The following BRF1 variants were observed in gnomAD, a reference collection of about 807,000 sequenced individuals.
The protein encoded by BRF1 is BRF1 general transcription factor IIIB subunit.
BRF1 carries 59 observed loss-of-function variants against 81.7 expected under a neutral mutation model. The ratio of observed to expected loss-of-function variants is 0.72; its 90% CI spans 0.59 to 0.90. The LOEUF (loss-of-function observed/expected upper bound fraction) is 0.90, where lower values mean the gene tolerates loss of function less well. Ranked by LOEUF, BRF1 falls within the 40% of genes least tolerant of loss-of-function variation. BRF1 has a pLI of 0.00. For missense variants in BRF1, 1,050 were observed against 936.3 expected, an observed-to-expected ratio of 1.12 and a Z score of -1.58; for synonymous variants, 491 against 395.6, an observed-to-expected ratio of 1.24 and a Z score of -2.86.
chr14:105,302,226 G>A (rs1211319880), upstream of BRF1, among the ~76,000 whole-genome samples: 3 of 144,000 alleles, frequency 2.1e-5, no homozygotes, highest in Non-Finnish European at 4.5e-5. Flanking sequence ...TTTTTGAGAC[G>A]GAGTCTCTGC....
chr14:105,229,002 T>C, intron 6 of BRF1, 89 bp from the exon 7 acceptor site: 1 of 1,202,420 alleles, frequency 8.3e-7, no homozygotes, highest in Non-Finnish European at 1.2e-6. Context: ...CGGATCCCGG[T>C]CACGGAGATG....
At chr14:105,259,398 T>C (rs937003494) in intron 3 of BRF1, among the ~76,000 whole-genome samples, 1 of 152,310 alleles carries the variant, frequency 6.6e-6, no homozygotes, top group Admixed American at 6.5e-5. Context: ...TGAGCTGTGA[T>C]TGCACCACTG....
chr14:105,249,514 C>T (rs1350682660), intron 5 of BRF1: 1 of 1,608,818 alleles, frequency 6.2e-7, no homozygotes, highest in Admixed American at 1.7e-5. Context: ...CGGGTGGGTC[C>T]GTTTTAGGCG....
chr14:105,212,591 A>G, intron 15 of BRF1: 1 of 172,872 alleles, frequency 5.8e-6, no homozygotes, highest in Non-Finnish European at 1.2e-5. Flanking sequence ...CACCCTGCAC[A>G]GGGCCTGCTC....
chr14:105,280,636 C>G (rs2057035150), intron 2 of BRF1, among the ~76,000 whole-genome samples: 1 of 151,998 alleles, frequency 6.6e-6, no homozygotes, highest in African/African-American at 2.4e-5. Flanking sequence ...GCTGTGTGAT[C>G]CTGAGCCTGC....
upstream of BRF1, among the ~76,000 whole-genome samples, chr14:105,303,395 C>G (rs1336068902): frequency 6.6e-6 from 1 of 152,122 alleles, no homozygotes; most frequent in Non-Finnish European, 1.5e-5. Context: ...AGGTGCCCAC[C>G]ACCATGCCTG....
intron 2 of BRF1, among the ~76,000 whole-genome samples, chr14:105,275,853 T>C (rs587604078): frequency 6.6e-6 from 1 of 152,366 alleles, no homozygotes; most frequent in African/African-American, 2.4e-5. Flanking sequence ...TCAGTGCCCT[T>C]AAAAACCGGA....
intron 5 of BRF1, among the ~76,000 whole-genome samples, chr14:105,244,697 T>C (rs946856275): frequency 2.6e-5 from 4 of 151,838 alleles, no homozygotes; most frequent in African/African-American, 7.3e-5. Flanking sequence ...ACCACAATAA[T>C]AGGGGATTTT....
In BRF1 at chr14:105,226,112, G is replaced by C. The variant is rs1247096867; in HGVS notation, c.1005C>G (p.Ser335Arg). Residue 335 changes from serine to arginine, a missense_variant, in exon 10 of 18, where the codon AGC becomes AGG. Ser to Arg is a moderately radical substitution (Grantham distance 110). This residue lies in a region of BRF1 where 1,043 missense variants were observed against 915.4 expected (regional missense o/e 1.14). Coordinates refer to ENST00000547530, the MANE Select transcript of BRF1 (RefSeq NM_001519.4). Reference sequence around the variant, plus strand: ...CCAGGCCCCCCTTGGCCTTTGGCCGGCTGTTTTCTAGTTCAATCTCAATTG... The same window carrying C: ...CCAGGCCCCCCTTGGCCTTTGGCCGCCTGTTTTCTAGTTCAATCTCAATTG... ...QDAIEIELEN[S>R]RPKAKGGLAS... 6.2e-7 allele frequency: 1 copy of C among 1,613,932 alleles called. No individual in the cohort carries two copies. The highest frequency in any genetic ancestry group is 8.5e-7 in the Non-Finnish European group (1 of 1,180,022).
In BRF1 at chr14:105,272,750, T is replaced by C; in HGVS notation, c.410A>G (p.Tyr137Cys). Reference sequence around the variant, plus strand: ...CGTGCCCTCCGTACGGCAGACCAGGTAGAGGCAGGCAGCAATCACGTGGGC... The same window carrying C: ...CGTGCCCTCCGTACGGCAGACCAGGCAGAGGCAGGCAGCAATCACGTGGGC... Reference protein sequence around the residue: ...KMAHVIAACLYLVCRTEGTPH... With the variant: ...KMAHVIAACLCLVCRTEGTPH... The change falls in exon 3 of 18, where the codon TAC becomes TGC. Residue 137 changes from tyrosine to cysteine, a missense_variant. Tyr to Cys is a radical substitution (Grantham distance 194). Around this residue, in one of 2 missense-constraint regions of BRF1, gnomAD observed 1,043 missense variants for 915.4 expected, o/e 1.14. Transcript: ENST00000547530. The C allele has an allele frequency of 1.2e-6, 2 of 1,613,384 alleles. No individual in the cohort carries two copies. Among genetic ancestry groups the C allele is most frequent in the Non-Finnish European group, 1.7e-6 (2 of 1,179,644 alleles).
At chr14:105,256,699 G>A in intron 3 of BRF1, 150 bp from the exon 4 acceptor site, 2 of 1,338,882 alleles carry the variant, frequency 1.5e-6, no homozygotes, top group Non-Finnish European at 2.0e-6. Flanking sequence ...AAGGAAAGGT[G>A]GTATGGAAGC....
chr14:105,214,260 C>T (rs1043726260), intron 15 of BRF1, among the ~76,000 whole-genome samples: 14 of 152,252 alleles, frequency 9.2e-5, no homozygotes, highest in African/African-American at 3.4e-4. Context: ...CCCACACTGG[C>T]CCCTCTGCCT....
At chr14:105,212,078 A>C in intron 16 of BRF1, 35 bp downstream of exon 16, 1 of 1,608,874 alleles carries the variant, frequency 6.2e-7, no homozygotes, top group Non-Finnish European at 8.5e-7. Context: ...CTGCCTCCCA[A>C]GGTCTCCCTG....
upstream of BRF1, among the ~76,000 whole-genome samples, chr14:105,302,657 C>G (rs1007453595): frequency 6.6e-6 from 1 of 152,122 alleles, no homozygotes; most frequent in African/African-American, 2.4e-5. Context: ...ATAATCAAGC[C>G]TCACTGCAGA....
chr14:105,241,159 C>G lies in BRF1; in HGVS notation c.694+106G>C, dbSNP rs1373513803. The G allele has an allele frequency of 8.5e-6, 13 of 1,521,616 alleles. No homozygotes were observed. The East Asian group carries it at 1.4e-4, about 16-fold the overall frequency. The allele number at this position is 1,521,616 out of a possible 1,614,324, so 94.3% of individuals were successfully genotyped here. A position where few individuals can be genotyped will look rare whatever the true frequency, so the allele number is the denominator to read the frequency against. On this transcript the variant is annotated intron_variant, in intron 6 of 17. Transcript: ENST00000547530. ...GCCCCGGGAGGCTGGAGGCAGCTCT[C>G]AGTGCTCTGCAAACATACGGCCCAG...
intron 3 of BRF1, among the ~76,000 whole-genome samples, chr14:105,261,898 G>A (rs2056174147): frequency 1.3e-5 from 2 of 152,200 alleles, no homozygotes; most frequent in African/African-American, 2.4e-5. Flanking sequence ...ACCGGCCCAC[G>A]GCTCACTGCC....
intron 7 of BRF1, chr14:105,227,758 T>A (rs587766106): frequency 5.9e-5 from 9 of 152,404 alleles, no homozygotes; most frequent in African/African-American, 2.2e-4. Context: ...CTCTACACGC[T>A]ACACAACCTT....
intron 6 of BRF1, among the ~76,000 whole-genome samples, 165 bp from the exon 7 acceptor site, chr14:105,229,078 G>A (rs925924214): frequency 1.3e-5 from 2 of 152,192 alleles, no homozygotes; most frequent in Admixed American, 6.5e-5. Context: ...ACTCCTGAAC[G>A]ACATGACCCT....
chr14:105,289,273 G>T (rs2057429162), intron 1 of BRF1, among the ~76,000 whole-genome samples: 1 of 152,114 alleles, frequency 6.6e-6, no homozygotes, highest in Non-Finnish European at 1.5e-5. Context: ...AGTCCAGAAG[G>T]TGGAGGCTGC....
Sources: allele counts gnomAD v4.1 joint callset (sites outside exome capture counted in the v4.1 genomes callset), GRCh38; gene constraint gnomAD v4.1.1; regional missense constraint gnomAD v4.1.1; transcripts MANE v1.5; gene names NCBI Gene and HGNC (gene_info 2026-07-23, HGNC 2026-07-21).